The following OR51B5 variants were observed in gnomAD, a reference collection of about 807,000 sequenced individuals.
OR51B5 encodes the protein olfactory receptor family 51 subfamily B member 5.
For missense variants in OR51B5, 456 were observed against 374.6 expected (o/e 1.22, Z -1.79); for synonymous variants, 186 against 144.8 (o/e 1.28, Z -2.04).
rs1466177909 is a variant in OR51B5, at chr11:5,392,093, A to C, written n.85-45183T>G. The stretch of plus-strand genomic sequence containing the variant: ...AAAAGGAAAACAAACAAAATTACAA[A>C]GCGAAATTTAAAAAAGAACCAAACT... On this transcript the variant is annotated intron_variant and non_coding_transcript_variant, in intron 1 of 4. Coordinates refer to the OR51B5 transcript ENST00000415970. 2.0e-5 allele frequency: 3 copies of C among 152,144 alleles called. No homozygotes were observed. The East Asian group carries it at 5.8e-4, about 29-fold the overall frequency. 9.4% of individuals were successfully genotyped at this position (152,144 alleles called of 1,614,324 possible).
chr11:5,454,352 C>T, intron 1 of OR51B5: 1 of 1,614,044 alleles, frequency 6.2e-7, no homozygotes, highest in South Asian at 1.1e-5. Context: ...CTGTGCTCAA[C>T]CCTCTCATTT....
At chr11:5,449,264 C>T (rs916743315) in intron 1 of OR51B5, 3 of 152,230 alleles carry the variant, frequency 2.0e-5, no homozygotes, top group Admixed American at 6.5e-5. Flanking sequence ...TGCCCTCTAC[C>T]GCAGGGCCTG....
intron 1 of OR51B5, chr11:5,489,454 A>G: frequency 3.7e-6 from 6 of 1,614,040 alleles, no homozygotes; most frequent in Non-Finnish European, 5.1e-6. Context: ...CCACATTGGC[A>G]TCATCCTGGT....
At chr11:5,497,038 T>C (rs1282317954) in intron 1 of OR51B5, among the ~76,000 whole-genome samples, 2 of 37,918 alleles carry the variant, frequency 5.3e-5, no homozygotes, top group African/African-American at 1.1e-4. Context: ...GGTGAATCAA[T>C]GTTTAAAAAA....
Position 5,381,604 on chromosome 11 carries a change from A to G in OR51B5, n.85-34694T>C, listed in dbSNP as rs78509418. 5.5e-3 allele frequency among the ~76,000 whole-genome samples: 844 copies of G among 152,374 alleles called. 7 individuals carry two copies. Among genetic ancestry groups the G allele is most frequent in the African/African-American group, 0.019 (790 of 41,592 alleles). On this transcript the variant is annotated intron_variant and non_coding_transcript_variant, in intron 1 of 4. Coordinates refer to the OR51B5 transcript ENST00000415970. ...AAGACCATGACATGTTAATCTGTCT[A>G]TCTTCAAGTTCTTGATCAGAGTTTC...
At chr11:5,479,348 G>A (rs1041916075) in intron 1 of OR51B5, among the ~76,000 whole-genome samples, 57 of 151,630 alleles carry the variant, frequency 3.8e-4, no homozygotes, top group African/African-American at 1.3e-3. Context: ...CCCTAAAAGA[G>A]CTCCTGAAGG....
At chr11:5,421,971 A>C (rs1450149439) in intron 1 of OR51B5, 7 of 493,866 alleles carry the variant, frequency 1.4e-5, no homozygotes, top group Middle Eastern at 5.2e-4. Context: ...GAATTAATAT[A>C]TATTCCGTCA....
intron 1 of OR51B5, among the ~76,000 whole-genome samples, chr11:5,478,829 T>C (rs1442237837): frequency 2.0e-3 from 292 of 148,726 alleles, no homozygotes; most frequent in African/African-American, 6.0e-3. Context: ...TAAAAAGAAA[T>C]GAGCAAAGCC....
intron 1 of OR51B5, among the ~76,000 whole-genome samples, chr11:5,494,170 A>G (rs1851616858): frequency 6.6e-6 from 1 of 152,222 alleles, no homozygotes; most frequent in African/African-American, 2.4e-5. Flanking sequence ...ATCCAAATTA[A>G]AGTTTCTGGC....
chr11:5,495,535 T>A (rs888194105), intron 1 of OR51B5, among the ~76,000 whole-genome samples: 1 of 152,182 alleles, frequency 6.6e-6, no homozygotes, highest in Non-Finnish European at 1.5e-5. Context: ...TAAAATAGAC[T>A]CATGTTTTAT....
chr11:5,374,351 C>A (rs568585845), intron 1 of OR51B5, among the ~76,000 whole-genome samples: 1 of 152,024 alleles, frequency 6.6e-6, no homozygotes, highest in Admixed American at 6.6e-5. Flanking sequence ...TCATCAAAGA[C>A]CAAAAGTAGA....
chr11:5,502,710 T>C (rs1195998974), intron 1 of OR51B5, among the ~76,000 whole-genome samples: 1 of 152,216 alleles, frequency 6.6e-6, no homozygotes, highest in African/African-American at 2.4e-5. Context: ...TCTTATGCCT[T>C]AGTTTACTTA....
At chr11:5,468,433 A>T (rs1057072002) in intron 1 of OR51B5, 1 of 326,658 alleles carries the variant, frequency 3.1e-6, no homozygotes, top group African/African-American at 2.2e-5. Context: ...GGTACACCCA[A>T]ACATCAGCAA....
At chr11:5,487,306 T>G (rs750424111) in intron 1 of OR51B5, among the ~76,000 whole-genome samples, 1 of 152,174 alleles carries the variant, frequency 6.6e-6, no homozygotes, top group Non-Finnish European at 1.5e-5. Flanking sequence ...TTATTCTGGG[T>G]ATACAAATGT....
rs1848917307 is a variant in OR51B5 at position 5,342,795 on chromosome 11, A to G, written c.730T>C (p.Cys244Arg). The G allele has an allele frequency of 2.5e-6, 4 of 1,613,668 alleles. No homozygotes were observed. Among genetic ancestry groups the G allele is most frequent in the Admixed American group, 3.3e-5 (2 of 59,976 alleles). Residue 244 changes from cysteine (C) to arginine (R), a missense_variant, in exon 1 of 1, where the codon TGC becomes CGC. Cys to Arg is a radical substitution (Grantham distance 180). Transcript: ENST00000300773. Reference sequence around the variant, plus strand: ...GTGACATAAAAAACCAGGACACAGCAGATATGGGAGACACAGGTAATGAGA... The same window carrying G: ...GTGACATAAAAAACCAGGACACAGCGGATATGGGAGACACAGGTAATGAGA...
chr11:5,465,819 A>AAAGACTT (rs1851131457), intron 1 of OR51B5, among the ~76,000 whole-genome samples: 1 of 149,814 alleles, frequency 6.7e-6, no homozygotes, highest in Non-Finnish European at 1.5e-5. Context: ...AAGATGGATT[A>AAAGACTT]AAGACTTAAA....
intron 1 of OR51B5, among the ~76,000 whole-genome samples, chr11:5,438,619 C>T (rs1016940808): frequency 6.6e-6 from 1 of 152,130 alleles, no homozygotes; most frequent in African/African-American, 2.4e-5. Flanking sequence ...TTTTTCCAAA[C>T]TCAGTTTCTG....
chr11:5,453,511 A>ACC (rs1232974655), intron 1 of OR51B5: 2 of 1,569,392 alleles, frequency 1.3e-6, no homozygotes, highest in Middle Eastern at 1.7e-4. Context: ...AATGTCACTC[A>ACC]CCCTGCATTC....
chr11:5,470,948 T>C (rs1008585176), intron 1 of OR51B5, among the ~76,000 whole-genome samples: 1 of 152,226 alleles, frequency 6.6e-6, no homozygotes, highest in African/African-American at 2.4e-5. Flanking sequence ...ACTCTTTTAC[T>C]AGAAACCTAT....
Sources: gnomAD v4.1 joint callset for allele counts (sites outside exome capture counted in the v4.1 genomes callset) on GRCh38, gnomAD v4.1.1 for gene constraint, MANE v1.5 for transcripts, NCBI Gene and HGNC (gene_info 2026-07-23, HGNC 2026-07-21) for gene names.